Variants in STX16 observed in about 807,000 individuals in gnomAD.
STX16 encodes the protein syntaxin 16.
STX16 carries 28 observed loss-of-function variants against 42.7 expected under a neutral mutation model. That is an observed-to-expected ratio of 0.66 (90% CI 0.49 to 0.90). The LOEUF is 0.90. STX16 is among the 40% of genes least tolerant of loss of function. STX16 has a pLI of 0.00. For missense variants in STX16, 361 were observed against 420.9 expected (o/e 0.86, Z 1.24); for synonymous variants, 156 against 155.2 (o/e 1.00, Z -0.04).
At chr20:58,673,762 C>A in intron 8 of STX16, 51 bp downstream of exon 8, 2 of 1,351,384 alleles carry the variant, frequency 1.5e-6, no homozygotes, top group South Asian at 1.2e-5. Context: ...TTCAAATAAT[C>A]AAGAATTGGT....
chr20:58,670,458 C>T, intron 5 of STX16, 54 bp from the exon 6 acceptor site: 1 of 1,397,570 alleles, frequency 7.2e-7, no homozygotes, highest in South Asian at 1.2e-5. Context: ...AATGGTAGAA[C>T]AATACTCAGG....
At position 58,676,383 on chromosome 20, in the gene STX16, G is replaced by A. The variant is rs2084126979; in HGVS notation, c.*92G>A. 5 of 1,168,756 alleles carry A rather than the reference G, an allele frequency of 4.3e-6. No individual in the cohort carries two copies. Among genetic ancestry groups the A allele is most frequent in the Non-Finnish European group, 5.1e-6 (4 of 781,794 alleles). The allele number at this position is 1,168,756 out of a possible 1,614,324, so 72.4% of individuals were successfully genotyped here. A position where few individuals can be genotyped will look rare whatever the true frequency, so the allele number is the denominator to read the frequency against. On this transcript the variant is annotated 3_prime_UTR_variant, in exon 9 of 9. Transcript: ENST00000371141. The stretch of plus-strand genomic sequence containing the variant: ...CCCGCCAGCTGCCCGCAGAGGTGCA[G>A]CCTCGAGGAATCTGAGGGCGTCGGG...
In STX16 at chr20:58,656,529, A is replaced by C. The variant is rs144903217; in HGVS notation, c.133-3094A>C. On this transcript the variant is annotated intron_variant, in intron 1 of 8. Coordinates refer to ENST00000371141, the MANE Select transcript of STX16 (RefSeq NM_001001433.3). Reference sequence around the variant, plus strand: ...TTGAGATGCTCTTCTGATCTGATGAAATTCTGTATGGATTTGTGTGGTTTC... The same window carrying C: ...TTGAGATGCTCTTCTGATCTGATGACATTCTGTATGGATTTGTGTGGTTTC... Among the ~76,000 whole-genome samples the C allele has an allele frequency of 2.8e-3, 429 of 152,310 alleles. 2 individuals carry two copies. Among genetic ancestry groups the C allele is most frequent in the African/African-American group, 0.01 (417 of 41,572 alleles).
chr20:58,674,746 T>G (rs889970993), intron 8 of STX16, among the ~76,000 whole-genome samples: 3 of 152,268 alleles, frequency 2.0e-5, no homozygotes, highest in Non-Finnish European at 4.4e-5. Flanking sequence ...TTAGATTAAT[T>G]TGGTTGCCAA....
chr20:58,655,846 A>G (rs2083573603), intron 1 of STX16, among the ~76,000 whole-genome samples: 2 of 152,192 alleles, frequency 1.3e-5, no homozygotes, highest in Non-Finnish European at 2.9e-5. Flanking sequence ...AGCATCCAGA[A>G]CTGAGCAAAA....
At chr20:58,671,341 C>T (rs753274645) in intron 7 of STX16, 44 bp downstream of exon 7, 3 of 1,548,434 alleles carry the variant, frequency 1.9e-6, no homozygotes, top group African/African-American at 2.7e-5. Flanking sequence ...TCCTGCCATA[C>T]TATCTGTACC....
At chr20:58,675,813 C>T (rs1161731756) in intron 8 of STX16, among the ~76,000 whole-genome samples, 1 of 152,176 alleles carries the variant, frequency 6.6e-6, no homozygotes, top group Non-Finnish European at 1.5e-5. Flanking sequence ...TCCAGGAACA[C>T]GGACCGGGAA....
chr20:58,669,259 GC>G, intron 4 of STX16, 31 bp from the exon 5 acceptor site: 1 of 1,605,062 alleles, frequency 6.2e-7, no homozygotes, highest in African/African-American at 1.3e-5. Context: ...TCTCTCCCAG[GC>G]TTGCCCTGAG....
intron 1 of STX16, among the ~76,000 whole-genome samples, chr20:58,656,151 A>G (rs1455847150): frequency 6.6e-6 from 1 of 152,186 alleles, no homozygotes; most frequent in African/African-American, 2.4e-5. Flanking sequence ...CCTCATTTGT[A>G]AACTGAGGGG....
intron 1 of STX16, chr20:58,652,430 CAT>C (rs2083488282): frequency 2.1e-6 from 1 of 468,406 alleles, no homozygotes; most frequent in South Asian, 1.7e-5. Flanking sequence ...CTGTAATTTA[CAT>C]ATGTTTTAAC....
intron 6 of STX16, among the ~76,000 whole-genome samples, chr20:58,670,911 T>C (rs1353388191): frequency 6.6e-6 from 1 of 152,220 alleles, no homozygotes; most frequent in Non-Finnish European, 1.5e-5. Flanking sequence ...CTTGTGGAGT[T>C]GGCAGACGTG....
chr20:58,665,419 G>A (rs936268435), intron 2 of STX16, among the ~76,000 whole-genome samples: 2 of 152,158 alleles, frequency 1.3e-5, no homozygotes, highest in Non-Finnish European at 2.9e-5. Flanking sequence ...CCTGTGGAGT[G>A]ATTGGCACCT....
chr20:58,675,833 C>T (rs1168131667), intron 8 of STX16, among the ~76,000 whole-genome samples: 1 of 152,190 alleles, frequency 6.6e-6, no homozygotes, highest in African/African-American at 2.4e-5. Context: ...ACAGGCGACC[C>T]GTGCTGCAGG....
rs2084210100 is a variant in STX16 at position 58,679,136 on chromosome 20, ACTG to A, written c.*2849_*2851del. 1 of 152,152 alleles carries A rather than the reference ACTG, an allele frequency of 6.6e-6. No homozygotes were observed. The highest frequency in any genetic ancestry group is 1.9e-4 in the East Asian group (1 of 5,162). The allele number at this position is 152,152 out of a possible 1,614,324, so 9.4% of individuals were successfully genotyped here. A position where few individuals can be genotyped will look rare whatever the true frequency, so the allele number is the denominator to read the frequency against. ...ATCTTTCCCAAGATTGTAACTGAAAACTGCTGTCTCTTGTTTTGTTCGTTTTGG... is the reference window on the plus strand; with the variant it reads ...ATCTTTCCCAAGATTGTAACTGAAAACTGTCTCTTGTTTTGTTCGTTTTGG... On this transcript the variant is annotated 3_prime_UTR_variant, in exon 9 of 9. Transcript: ENST00000371141.
At chr20:58,672,762 C>T (rs2084011008) in intron 7 of STX16, among the ~76,000 whole-genome samples, 1 of 152,148 alleles carries the variant, frequency 6.6e-6, no homozygotes, top group Non-Finnish European at 1.5e-5. Context: ...AGAAGATTTC[C>T]CTTCTAATTT....
chr20:58,652,380 C>T lies in STX16; in HGVS notation c.132+242C>T, dbSNP rs531835924. 1.6e-4 allele frequency: 96 copies of T among 589,580 alleles called. 1 individual carries two copies. In the East Asian group the frequency reaches 2.7e-3, roughly 17 times the overall value. The allele number at this position is 589,580 out of a possible 1,614,324, so 36.5% of individuals were successfully genotyped here. On this transcript the variant is annotated intron_variant, in intron 1 of 8. Transcript: ENST00000371141. ...TCCTCACTTCCGCAGCACCCCCCCC[C>T]CCGCACCCCCCGCCTTGGCGTCACT... is the stretch of plus-strand genomic sequence containing the variant.
At chr20:58,662,813 C>A (rs769231445) in intron 2 of STX16, among the ~76,000 whole-genome samples, 20 of 152,340 alleles carry the variant, frequency 1.3e-4, no homozygotes, top group Non-Finnish European at 2.8e-4. Context: ...AGGCGTGAGC[C>A]ACTGCGTCAT....
rs1465368547 is a variant in STX16 at position 58,653,932 on chromosome 20, C to G, written c.132+1794C>G. Among the ~76,000 whole-genome samples, 4 of 151,212 alleles carry G rather than the reference C, an allele frequency of 2.6e-5. No homozygotes were observed. The East Asian group carries it at 7.7e-4, about 29-fold the overall frequency. On this transcript the variant is annotated intron_variant, in intron 1 of 8. Coordinates refer to ENST00000371141, the MANE Select transcript of STX16 (RefSeq NM_001001433.3). ...GACGGGAAGCTTTTTAAAAGTGCAT[C>G]TCTGAATCAGACCACTTTAGAAAAT...
intron 2 of STX16, among the ~76,000 whole-genome samples, chr20:58,660,837 C>G (rs927542905): frequency 2.1e-5 from 3 of 145,810 alleles, no homozygotes; most frequent in Non-Finnish European, 4.5e-5. Context: ...CAAGAAACAT[C>G]TGGGATAGAA....
Sources: gnomAD v4.1 joint callset for allele counts (sites outside exome capture counted in the v4.1 genomes callset) on GRCh38, gnomAD v4.1.1 for gene constraint, MANE v1.5 for transcripts, NCBI Gene and HGNC (gene_info 2026-07-23, HGNC 2026-07-21) for gene names.